Variants in EPM2A observed in about 807,000 individuals in gnomAD.
The protein encoded by EPM2A is EPM2A glucan phosphatase, laforin.
EPM2A carries 21 observed loss-of-function variants against 26.5 expected under a neutral mutation model. That is an observed-to-expected ratio of 0.79 (90% CI 0.56 to 1.14). The LOEUF is 1.14. EPM2A is among the 50% of genes most tolerant of loss of function. EPM2A has a pLI of 0.00. For missense variants in EPM2A, 458 were observed against 440.8 expected (o/e 1.04, Z -0.35); for synonymous variants, 217 against 177.6 (o/e 1.22, Z -1.76).
chr6:145,584,983 G>T (rs1275057251), intron 2 of EPM2A, among the ~76,000 whole-genome samples: 2 of 152,116 alleles, frequency 1.3e-5, no homozygotes, highest in Non-Finnish European at 2.9e-5. Context: ...TACTTTACAG[G>T]ATAAATATTT....
At chr6:145,473,191 A>G (rs1231981563) in intron 4 of EPM2A, among the ~76,000 whole-genome samples, 2 of 152,130 alleles carry the variant, frequency 1.3e-5, no homozygotes, top group African/African-American at 2.4e-5. Context: ...TATCAGATAA[A>G]TTTAACAAAG....
At chr6:145,497,553 A>G (rs1345226846), downstream of EPM2A, among the ~76,000 whole-genome samples, 2 of 47,736 alleles carry the variant, frequency 4.2e-5, no homozygotes, top group African/African-American at 1.4e-4. Context: ...TGATCTAGCC[A>G]TGCTTTCCTA....
intron 4 of EPM2A, among the ~76,000 whole-genome samples, chr6:145,493,440 T>C (rs1779779487): frequency 6.6e-6 from 1 of 152,186 alleles, no homozygotes; most frequent in African/African-American, 2.4e-5. Context: ...CAAACAGAGA[T>C]AGTTTGACTT....
chr6:145,570,570 C>T (rs1780941301), intron 2 of EPM2A, among the ~76,000 whole-genome samples: 2 of 152,226 alleles, frequency 1.3e-5, no homozygotes, highest in South Asian at 4.1e-4. Flanking sequence ...TTACAGTCCT[C>T]ATTTCTGCAG....
intron 1 of EPM2A, among the ~76,000 whole-genome samples, chr6:145,728,337 T>C (rs1189933893): frequency 6.6e-6 from 1 of 152,138 alleles, no homozygotes; most frequent in Admixed American, 6.5e-5. Flanking sequence ...AGCAGGAGGA[T>C]GAAGGAAAGT....
At chr6:145,393,677 C>T (rs1319073610) in intron 4 of EPM2A, among the ~76,000 whole-genome samples, 1 of 152,016 alleles carries the variant, frequency 6.6e-6, no homozygotes, top group Non-Finnish European at 1.5e-5. Context: ...TTTATATGTC[C>T]ACCACCCCAA....
intron 4 of EPM2A, among the ~76,000 whole-genome samples, chr6:145,456,451 GAGAA>G (rs1779263785): frequency 6.6e-6 from 1 of 152,286 alleles, no homozygotes; most frequent in Admixed American, 6.5e-5. Flanking sequence ...GAGAGATTGA[GAGAA>G]AGAGAGACAG....
Position 145,686,297 on chromosome 6 carries a change from C to G in EPM2A, c.302-1G>C, listed in dbSNP as rs369463720. The G allele has an allele frequency of 6.2e-7, 1 of 1,612,144 alleles. No homozygotes were observed. The highest frequency in any genetic ancestry group is 1.3e-5 in the African/African-American group (1 of 74,752). ...CAACGGTCATGATGAGGTCCATTGC[C>G]TAGAACAAGAAAAAATGATAAACAG... On this transcript the variant is annotated splice_acceptor_variant, in intron 1 of 3. Transcript: ENST00000367519. LOFTEE classifies it high-confidence loss of function.
intron 2 of EPM2A, among the ~76,000 whole-genome samples, chr6:145,542,571 GAA>G (rs1780527569): frequency 6.6e-6 from 1 of 152,224 alleles, no homozygotes; most frequent in East Asian, 1.9e-4. Flanking sequence ...GTCAGGGAAT[GAA>G]ATACTTTTCA....
At chr6:145,403,723 A>G (rs1326300593) in intron 4 of EPM2A, among the ~76,000 whole-genome samples, 5 of 152,142 alleles carry the variant, frequency 3.3e-5, no homozygotes, top group Non-Finnish European at 7.4e-5. Context: ...GTTGCAACAA[A>G]CAGGAGTGCA....
chr6:145,554,454 A>AGATAGAT (rs1780698223), intron 2 of EPM2A, among the ~76,000 whole-genome samples: 1 of 152,052 alleles, frequency 6.6e-6, no homozygotes, highest in Non-Finnish European at 1.5e-5. Flanking sequence ...ATAGATAGAT[A>AGATAGAT]GATAGATAGA....
chr6:145,411,856 A>G (rs1778647301), intron 4 of EPM2A, among the ~76,000 whole-genome samples: 1 of 152,156 alleles, frequency 6.6e-6, no homozygotes, highest in African/African-American at 2.4e-5. Flanking sequence ...TTTTTACAAT[A>G]GTAGGTATAG....
At chr6:145,648,847 A>T (rs1313135305) in intron 2 of EPM2A, among the ~76,000 whole-genome samples, 1 of 152,228 alleles carries the variant, frequency 6.6e-6, no homozygotes, top group African/African-American at 2.4e-5. Context: ...GTGAAAAAAA[A>T]TTCTACCTTT....
chr6:145,513,212 A>C (rs1047932052), intron 2 of EPM2A, among the ~76,000 whole-genome samples: 4 of 152,220 alleles, frequency 2.6e-5, no homozygotes, highest in African/African-American at 9.6e-5. Flanking sequence ...TCAACAAGAA[A>C]AAAACAAACA....
intron 1 of EPM2A, among the ~76,000 whole-genome samples, chr6:145,694,325 A>G (rs1445997684): frequency 1.3e-5 from 2 of 152,024 alleles, no homozygotes; most frequent in East Asian, 3.8e-4. Flanking sequence ...TACAAACATG[A>G]TATAGTCATT....
Position 145,735,345 on chromosome 6 carries a change from G to C in EPM2A, c.154C>G (p.Leu52Val). ...PAGTAAGDGALALQEPGLWLG... is the reference protein window; with the variant it reads ...PAGTAAGDGAVALQEPGLWLG... ...CACAGGCCCGGCTCCTGCAGGGCCA[G>C]GGCCCCGTCGCCCGCCGCGGTGCCG... The change falls in exon 1 of 4, where the codon CTG becomes GTG. Residue 52 changes from leucine (L) to valine (V), a missense_variant. By Grantham distance (32) the Leu-to-Val change is conservative (BLOSUM62 1). Transcript: ENST00000367519. 1 of 1,347,940 alleles carries C rather than the reference G, an allele frequency of 7.4e-7. No homozygotes were observed. Among genetic ancestry groups the C allele is most frequent in the South Asian group, 1.7e-5 (1 of 58,664 alleles). 83.5% of individuals were successfully genotyped at this position (1,347,940 alleles called of 1,614,324 possible).
At chr6:145,549,632 T>C (rs570992093) in intron 2 of EPM2A, among the ~76,000 whole-genome samples, 1 of 152,248 alleles carries the variant, frequency 6.6e-6, no homozygotes, top group South Asian at 2.1e-4. Flanking sequence ...GAACATATGA[T>C]AGAAACCTAT....
chr6:145,688,577 G>A (rs1036021011), intron 1 of EPM2A, among the ~76,000 whole-genome samples: 3 of 152,100 alleles, frequency 2.0e-5, no homozygotes, highest in African/African-American at 7.2e-5. Context: ...TTACTCATTT[G>A]ACATTAAGAC....
chr6:145,507,317 G>C lies in EPM2A; in HGVS notation c.341-4742C>G, dbSNP rs9497328. On this transcript the variant is annotated intron_variant, in intron 2 of 3. Transcript: ENST00000450221. ...CTCTGAGTTTTAATTCAAAAGGAAA[G>C]GTGACAATTTGCAGGAATAGCAAAG... 7.7e-3 allele frequency among the ~76,000 whole-genome samples: 1,169 copies of C among 152,288 alleles called. 16 individuals are homozygous for C. Among genetic ancestry groups the C allele is most frequent in the African/African-American group, 0.027 (1,113 of 41,570 alleles).
Sources: gnomAD v4.1 joint callset for allele counts (sites outside exome capture counted in the v4.1 genomes callset) on GRCh38, gnomAD v4.1.1 for gene constraint, MANE v1.5 for transcripts, NCBI Gene and HGNC (gene_info 2026-07-23, HGNC 2026-07-21) for gene names.